The following MYO9A variants were observed in gnomAD, a reference collection of about 807,000 sequenced individuals.
MYO9A encodes the protein unconventional myosin-IXa.
In MYO9A, 103 loss-of-function variants were observed where a neutral mutation model predicts 293.3. That is an observed-to-expected ratio of 0.35 (90% CI 0.30 to 0.41). MYO9A has a LOEUF of 0.41. Ranked by LOEUF, MYO9A falls within the 10% of genes least tolerant of loss-of-function variation. The probability of loss-of-function intolerance (pLI) is 1.00; values close to 1 mark genes in which losing one functional copy is unlikely to be tolerated. For missense variants in MYO9A, 2,685 were observed against 3,033.0 expected (o/e 0.89, Z 2.69); for synonymous variants, 1,001 against 1,035.7 (o/e 0.97, Z 0.64).
intron 1 of MYO9A, among the ~76,000 whole-genome samples, chr15:72,058,964 A>C (rs2078801917): frequency 6.6e-6 from 1 of 152,226 alleles, no homozygotes; most frequent in African/African-American, 2.4e-5. Context: ...AAATATATAC[A>C]TTAATTTTGT....
intron 16 of MYO9A, among the ~76,000 whole-genome samples, 191 bp from the exon 17 acceptor site, chr15:71,935,675 T>C (rs147990021): frequency 6.6e-6 from 1 of 152,328 alleles, no homozygotes; most frequent in Admixed American, 6.5e-5. Flanking sequence ...AACAAATTCC[T>C]ATGAATTCCA....
At chr15:72,067,896 T>C (rs114957048) in intron 1 of MYO9A, among the ~76,000 whole-genome samples, 1,690 of 152,310 alleles carry the variant, frequency 0.011, 30 homozygotes, top group African/African-American at 0.038. Flanking sequence ...AAAAAATTCA[T>C]ATTGTTTTAC....
At chr15:71,894,885 C>G (rs1257938398) in intron 25 of MYO9A, among the ~76,000 whole-genome samples, 2 of 152,178 alleles carry the variant, frequency 1.3e-5, no homozygotes, top group Admixed American at 1.3e-4. Flanking sequence ...CTCTCCTGAG[C>G]AGAACTGTAA....
intron 12 of MYO9A, among the ~76,000 whole-genome samples, chr15:71,972,044 G>GAA (rs1163710747): frequency 6.6e-6 from 1 of 152,222 alleles, no homozygotes; most frequent in East Asian, 1.9e-4. Context: ...TATTCTGAAA[G>GAA]AAAAAATGCT....
intron 1 of MYO9A, among the ~76,000 whole-genome samples, chr15:72,081,667 C>G (rs1381166652): frequency 6.6e-6 from 1 of 151,720 alleles, no homozygotes; most frequent in Admixed American, 6.6e-5. Flanking sequence ...ATGGTTTTTA[C>G]AGTTTTAGGT....
chr15:71,976,728 A>G (rs899152708), intron 12 of MYO9A, among the ~76,000 whole-genome samples: 2 of 152,110 alleles, frequency 1.3e-5, no homozygotes, highest in East Asian at 1.9e-4. Context: ...CTGGACAGAA[A>G]ATTAAGGTAC....
intron 6 of MYO9A, among the ~76,000 whole-genome samples, chr15:72,013,426 G>C (rs1307332092): frequency 6.6e-6 from 1 of 152,198 alleles, no homozygotes; most frequent in African/African-American, 2.4e-5. Flanking sequence ...CCAAATACTG[G>C]TCAGCCAGAG....
chr15:72,080,236 T>C (rs1202145313), intron 1 of MYO9A, among the ~76,000 whole-genome samples: 3 of 151,808 alleles, frequency 2.0e-5, no homozygotes, highest in African/African-American at 7.3e-5. Context: ...GGAAGAAAAC[T>C]GGTCTGAGAT....
chr15:71,868,583 A>G (rs1196105885), intron 32 of MYO9A, among the ~76,000 whole-genome samples: 1 of 152,208 alleles, frequency 6.6e-6, no homozygotes, highest in Admixed American at 6.5e-5. Flanking sequence ...GGTGACAAGA[A>G]CCTTGGAGGG....
At chr15:71,994,715 A>G in intron 9 of MYO9A, 130 bp from the exon 10 acceptor site, 1 of 572,680 alleles carries the variant, frequency 1.7e-6, no homozygotes, top group Non-Finnish European at 3.0e-6. Context: ...CTCTCAAAAT[A>G]AAAAATCTAT....
At chr15:72,022,870 C>T (rs1158561069) in intron 4 of MYO9A, among the ~76,000 whole-genome samples, 4 of 151,782 alleles carry the variant, frequency 2.6e-5, no homozygotes, top group South Asian at 2.1e-4. Context: ...CAGTTTTCAA[C>T]AACAACAACA....
intron 15 of MYO9A, among the ~76,000 whole-genome samples, chr15:71,942,017 AAT>A (rs912334257): frequency 2.0e-5 from 3 of 152,076 alleles, no homozygotes; most frequent in Non-Finnish European, 4.4e-5. Context: ...TAGCTCTAAC[AAT>A]ATATATAATT....
rs1198523282 is a variant in MYO9A at position 72,032,650 on chromosome 15, G to A, written c.841-62C>T. On this transcript the variant is annotated intron_variant, in intron 2 of 41. Coordinates refer to ENST00000356056, the MANE Select transcript of MYO9A (RefSeq NM_006901.4). The stretch of plus-strand genomic sequence containing the variant: ...AAAAAAAAATTTTTTTTTGGAGGGG[G>A]GATTAGGTCAGCTGCTTAGGTCAGC... 7.3e-6 allele frequency: 8 copies of A among 1,099,880 alleles called. No individual in the cohort carries two copies. The African/African-American group carries it at 1.1e-4, about 16-fold the overall frequency. The allele number at this position is 1,099,880 out of a possible 1,614,324, so 68.1% of individuals were successfully genotyped here.
chr15:71,899,964 C>T lies in MYO9A; in HGVS notation c.3193G>A (p.Ala1065Thr), dbSNP rs2057437278. The change falls in exon 24 of 42, where the codon GCA becomes ACA. Residue 1065 changes from alanine (A) to threonine (T), a missense_variant. Ala to Thr is a moderately conservative substitution (Grantham distance 58, BLOSUM62 0). Coordinates refer to ENST00000356056, the MANE Select transcript of MYO9A (RefSeq NM_006901.4). ...NYLNQKQVRD[A>T]AVQKDAFVMA... ...ACAAAAGCATCCTTCTGCACAGCTG[C>T]ATCTCTGACTTGCTTCTGATTTAGG... 6.2e-7 allele frequency: 1 copy of T among 1,613,148 alleles called. No homozygotes were observed. Among genetic ancestry groups the T allele is most frequent in the Non-Finnish European group, 8.5e-7 (1 of 1,179,318 alleles).
intron 26 of MYO9A, chr15:71,890,833 C>T (rs1472013880): frequency 6.6e-6 from 1 of 151,138 alleles, no homozygotes. Flanking sequence ...GATTTAATGA[C>T]ACACTTCAGA....
At position 71,898,534 on chromosome 15, in the gene MYO9A, A is replaced by G; in HGVS notation, c.3969T>C (p.Asp1323=). 6.2e-7 allele frequency: 1 copy of G among 1,613,950 alleles called. No homozygotes were observed. Among genetic ancestry groups the G allele is most frequent in the Non-Finnish European group, 8.5e-7 (1 of 1,179,986 alleles). The change falls in exon 25 of 42, where the codon GAT becomes GAC. Residue 1323 remains aspartate, a synonymous_variant. Coordinates refer to ENST00000356056, the MANE Select transcript of MYO9A (RefSeq NM_006901.4). ...EGLQSPRGTP[D]SESSQGSLEL... Reference sequence around the variant, plus strand: ...CCAAGCTTCCTTGAGAGCTCTCACTATCAGGTGTACCCCGTGGAGACTGAA... The same window carrying G: ...CCAAGCTTCCTTGAGAGCTCTCACTGTCAGGTGTACCCCGTGGAGACTGAA...
At chr15:71,844,627 C>T (rs2055304942) in intron 39 of MYO9A, among the ~76,000 whole-genome samples, 1 of 152,092 alleles carries the variant, frequency 6.6e-6, no homozygotes, top group African/African-American at 2.4e-5. Context: ...GAAGATACTC[C>T]AGTGTTAGAA....
chr15:71,905,097 T>A, intron 19 of MYO9A, 91 bp from the exon 20 acceptor site: 3 of 1,118,400 alleles, frequency 2.7e-6, no homozygotes, highest in Admixed American at 2.3e-5. Flanking sequence ...TGGCAAAACA[T>A]TCAAAAAGTA....
chr15:71,880,456 C>T lies in MYO9A; in HGVS notation c.5501G>A (p.Arg1834His), dbSNP rs780161309. Residue 1834 changes from arginine to histidine, a missense_variant, in exon 29 of 42, where the codon CGC becomes CAC. Physicochemically the swap from Arg to His is conservative, Grantham distance 29. This residue lies in a region of MYO9A where 1,434 missense variants were observed against 1,497.7 expected (regional missense o/e 0.96). Coordinates refer to ENST00000356056, the MANE Select transcript of MYO9A (RefSeq NM_006901.4). ...ENKEPSPKAK[R>H]KRSVKISNVA... ...GTTGCTAATCTTCACACTTCGCTTG[C>T]GCTTAGCCTTTGGAGAAGGTTCTTT... 9.3e-6 allele frequency: 15 copies of T among 1,614,102 alleles called. No individual in the cohort carries two copies. In the African/African-American group the frequency reaches 1.3e-4, roughly 14 times the overall value.
Sources: allele counts gnomAD v4.1 joint callset (sites outside exome capture counted in the v4.1 genomes callset), GRCh38; gene constraint gnomAD v4.1.1; regional missense constraint gnomAD v4.1.1; transcripts MANE v1.5; gene names NCBI Gene and HGNC (gene_info 2026-07-23, HGNC 2026-07-21).